TRERF1: variants seen among roughly 807,000 people sequenced by gnomAD.
TRERF1 encodes transcriptional regulating factor 1, also known as transcriptional-regulating factor 1.
In TRERF1, 27 loss-of-function variants were observed where a neutral mutation model predicts 122.9. The observed-to-expected ratio is 0.22, with a 90% CI of 0.16 to 0.30. TRERF1 has a LOEUF of 0.30. Among genes scored for constraint, TRERF1 ranks in the 10% least tolerant of loss-of-function variants. The pLI is 1.00. For missense variants in TRERF1, 1,248 were observed against 1,560.3 expected (o/e 0.80, Z 3.37); for synonymous variants, 636 against 641.7 (o/e 0.99, Z 0.13).
rs1242232343 is a variant in TRERF1 at position 42,259,195 on chromosome 6, T to C, written c.2269+144A>G. The C allele has an allele frequency of 8.7e-7, 1 of 1,151,142 alleles. No homozygotes were observed. The highest frequency in any genetic ancestry group is 3.4e-5 in the Admixed American group (1 of 29,476). 71.3% of individuals were successfully genotyped at this position (1,151,142 alleles called of 1,614,324 possible). On this transcript the variant is annotated intron_variant, in intron 9 of 17. Coordinates refer to ENST00000372922, the Ensembl canonical transcript of TRERF1. The surrounding 1 kb of genome is among the most constrained non-coding windows in gnomAD (Gnocchi z 4.9). ...GATAAGGGCTATGTATTCCAAGTCT[T>C]TCTTAACACCCAGCAGCGCGTGCTA...
intron 3 of TRERF1, among the ~76,000 whole-genome samples, chr6:42,314,748 AT>A (rs1762212914): frequency 1.3e-5 from 2 of 152,186 alleles, no homozygotes; most frequent in Admixed American, 6.5e-5. Flanking sequence ...GGGAAAGAGC[AT>A]TCTAGGAGGA....
chr6:42,293,971 C>T (rs1784695073), intron 4 of TRERF1, among the ~76,000 whole-genome samples: 1 of 152,102 alleles, frequency 6.6e-6, no homozygotes, highest in South Asian at 2.1e-4. Flanking sequence ...ACTGAACAAT[C>T]TTGGGCCAGG....
intron 2 of TRERF1, among the ~76,000 whole-genome samples, chr6:42,402,718 T>G (rs1779570618): frequency 6.6e-6 from 1 of 152,226 alleles, no homozygotes; most frequent in Non-Finnish European, 1.5e-5. Context: ...GAGCACCTAC[T>G]ACATCAGACA....
intron 2 of TRERF1, among the ~76,000 whole-genome samples, chr6:42,385,479 A>C (rs536469143): frequency 3.5e-4 from 54 of 152,202 alleles, no homozygotes; most frequent in Non-Finnish European, 5.6e-4. Context: ...ACCCTTTAGA[A>C]GGTGCACTAT....
At chr6:42,350,131 C>T (rs1454392222) in intron 3 of TRERF1, among the ~76,000 whole-genome samples, 1 of 152,028 alleles carries the variant, frequency 6.6e-6, no homozygotes, top group African/African-American at 2.4e-5. Flanking sequence ...CCTTGACCAC[C>T]CACCCGACGC....
At position 42,236,416 on chromosome 6, in the gene TRERF1, T is replaced by C; in HGVS notation, c.2860-5A>G. 6.4e-7 allele frequency: 1 copy of C among 1,551,374 alleles called. No homozygotes were observed. The highest frequency in any genetic ancestry group is 8.7e-7 in the Non-Finnish European group (1 of 1,147,154). Reference sequence around the variant, plus strand: ...CTCTTCTTCTTCTTCACTTGTCTAGTGTTAAGGTAATAAAAGCAAGAGGGG... The same window carrying C: ...CTCTTCTTCTTCTTCACTTGTCTAGCGTTAAGGTAATAAAAGCAAGAGGGG... On this transcript the variant is annotated splice_polypyrimidine_tract_variant and splice_region_variant and intron_variant, in intron 15 of 17. Transcript: ENST00000372922.
chr6:42,329,268 C>T (rs1342453010), intron 3 of TRERF1, among the ~76,000 whole-genome samples: 1 of 152,096 alleles, frequency 6.6e-6, no homozygotes, highest in Admixed American at 6.5e-5. Context: ...AACACTACTC[C>T]CTGAGGCCAG....
chr6:42,367,836 G>C (rs796387100), intron 2 of TRERF1, among the ~76,000 whole-genome samples: 1 of 151,968 alleles, frequency 6.6e-6, no homozygotes, highest in African/African-American at 2.4e-5. Flanking sequence ...CACAGAAAGG[G>C]GAAGTGACAC....
chr6:42,244,991 G>A (rs1313527437), intron 14 of TRERF1, among the ~76,000 whole-genome samples: 1 of 152,012 alleles, frequency 6.6e-6, no homozygotes, highest in Non-Finnish European at 1.5e-5. Context: ...AGATGAGAGG[G>A]GCACCCAGTC....
chr6:42,424,109 G>A (rs890877724), intron 2 of TRERF1, among the ~76,000 whole-genome samples: 2 of 152,160 alleles, frequency 1.3e-5, no homozygotes, highest in Admixed American at 6.5e-5. Context: ...TGACAACAAT[G>A]TATGTACCCA....
At chr6:42,279,964 A>G (rs890463311) in intron 4 of TRERF1, among the ~76,000 whole-genome samples, 1 of 152,168 alleles carries the variant, frequency 6.6e-6, no homozygotes, top group African/African-American at 2.4e-5. Context: ...GTCAGTATGT[A>G]AAATAACCGT....
intron 2 of TRERF1, among the ~76,000 whole-genome samples, chr6:42,397,355 A>G (rs896340052): frequency 6.6e-6 from 1 of 152,188 alleles, no homozygotes; most frequent in Non-Finnish European, 1.5e-5. Flanking sequence ...GACAGGACAC[A>G]GGCACCGTCG....
chr6:42,329,245 G>A (rs1047502977), intron 3 of TRERF1, among the ~76,000 whole-genome samples: 7 of 152,082 alleles, frequency 4.6e-5, no homozygotes, highest in Non-Finnish European at 8.8e-5. Flanking sequence ...TGGTTCCCAT[G>A]GTCCTAGTGG....
chr6:42,392,029 C>T (rs1163148255), intron 2 of TRERF1, among the ~76,000 whole-genome samples: 1 of 152,212 alleles, frequency 6.6e-6, no homozygotes, highest in African/African-American at 2.4e-5. Context: ...CCATCAGCCT[C>T]TATCTCCTTC....
chr6:42,225,643 T>C (rs2149440460), exon 18 of TRERF1: 1 of 152,200 alleles, frequency 6.6e-6, no homozygotes, highest in East Asian at 1.9e-4. Context: ...ATGCAATTCA[T>C]CTGCTGAGAA....
chr6:42,360,770 TTAAAAAAAA>T (rs1487849718), intron 3 of TRERF1, among the ~76,000 whole-genome samples: 5 of 64,046 alleles, frequency 7.8e-5, no homozygotes, highest in African/African-American at 1.9e-4. Context: ...AGTGGAGAGA[TTAAAAAAAA>T]AAAAAAAAAA....
intron 3 of TRERF1, among the ~76,000 whole-genome samples, chr6:42,327,190 C>T (rs1452942570): frequency 1.3e-5 from 2 of 152,146 alleles, no homozygotes; most frequent in Non-Finnish European, 2.9e-5. Flanking sequence ...AGGGGATGTG[C>T]TTGTTGTTCC....
chr6:42,291,179 T>C (rs1354201884), intron 4 of TRERF1, among the ~76,000 whole-genome samples: 3 of 152,240 alleles, frequency 2.0e-5, no homozygotes, highest in South Asian at 2.1e-4. Flanking sequence ...CAAGGTTGCA[T>C]GATTGGTGAT....
At chr6:42,238,868 C>CACAT (rs1554124375) in intron 15 of TRERF1, among the ~76,000 whole-genome samples, 1,688 of 148,222 alleles carry the variant, frequency 0.011, 26 homozygotes, top group African/African-American at 0.04. Context: ...CACACACACA[C>CACAT]ACAATTTCTA....
Sources: allele counts gnomAD v4.1 joint callset (sites outside exome capture counted in the v4.1 genomes callset), GRCh38; gene constraint gnomAD v4.1.1; non-coding constraint Gnocchi (gnomAD v3.1); transcripts MANE v1.5; gene names NCBI Gene and HGNC (gene_info 2026-07-23, HGNC 2026-07-21).